CSHL1: variants seen among roughly 807,000 people sequenced by gnomAD.
CSHL1 encodes chorionic somatomammotropin hormone like 1, also known as chorionic somatomammotropin hormone-like 1.
Under a neutral mutation model 24.3 loss-of-function variants are expected in CSHL1, and 25 were observed. That is an observed-to-expected ratio of 1.03 (90% CI 0.75 to 1.44). CSHL1 has a LOEUF of 1.44. CSHL1 is among the 40% of genes most tolerant of loss of function. The probability of loss-of-function intolerance (pLI) is 0.00; values close to 1 mark genes in which losing one functional copy is unlikely to be tolerated. For synonymous variants in CSHL1, 157 were observed against 115.6 expected, an observed-to-expected ratio of 1.36 and a Z score of -2.30; for missense variants, 342 against 279.3, an observed-to-expected ratio of 1.22 and a Z score of -1.60.
In CSHL1 at chr17:63,910,525, GAT is replaced by G. The variant is rs978621996; in HGVS notation, c.199_200del (p.Ile67HisfsTer11). ...FISSWGMEAY[I>X]TKEQKYSFLH... ...GGAATGAATACTTCTGTTCCTTTGT[GAT>G]ATAGGCTTCTTCCTAGGGGAAGGAC... On this transcript the variant is annotated frameshift_variant, in exon 3 of 5. Transcript: ENST00000309894. LOFTEE classifies it high-confidence loss of function. The G allele has an allele frequency of 3.1e-6, 5 of 1,614,078 alleles. No homozygotes were observed. The African/African-American group carries it at 6.7e-5, about 22-fold the overall frequency.
At chr17:63,910,384 C>T (rs1181722337) in intron 3 of CSHL1, 36 bp downstream of exon 3, 1 of 1,614,152 alleles carries the variant, frequency 6.2e-7, no homozygotes, top group South Asian at 1.1e-5. Flanking sequence ...CACAGGTCTC[C>T]CCCATCCCCG....
At chr17:63,910,999 T>C (rs1906965999) in intron 1 of CSHL1, 75 bp from the exon 2 acceptor site, 1 of 1,610,902 alleles carries the variant, frequency 6.2e-7, no homozygotes, top group East Asian at 2.2e-5. Context: ...AGGAGCTGTT[T>C]TCTTTTTCTC....
rs746964348 is a variant in CSHL1, at chr17:63,910,801, C to T, written c.134G>A (p.Arg45His). ...GGTGTCAATGGCCAGCTGGTGTGCG[C>T]GATGGGCTTGGAGCATAGCCTCTTT... Reference protein sequence around the residue: ...LFKEAMLQAHRAHQLAIDTYQ... With the variant: ...LFKEAMLQAHHAHQLAIDTYQ... Residue 45 changes from arginine (R) to histidine (H), a missense_variant, in exon 2 of 5, where the codon CGC (arginine) becomes CAC (histidine). Physicochemically the swap from Arg to His is conservative, Grantham distance 29. Coordinates refer to ENST00000309894, the MANE Select transcript of CSHL1 (RefSeq NM_022579.3). 3.5e-5 allele frequency: 56 copies of T among 1,614,216 alleles called. No homozygotes were observed. In the South Asian group the frequency reaches 4.0e-4, roughly 11 times the overall value.
rs919060328 is a variant in CSHL1, at chr17:63,909,658, C to T, written c.*53G>A. The T allele has an allele frequency of 2.4e-5, 38 of 1,613,534 alleles. No homozygotes were observed. In the African/African-American group the frequency reaches 4.3e-4, roughly 18 times the overall value. The stretch of plus-strand genomic sequence containing the variant: ...AGGCTGGTGGGCACTGGAGTGGCAC[C>T]TTCAGGGCCAGGAGAGGCACTGGGG... On this transcript the variant is annotated 3_prime_UTR_variant, in exon 5 of 5. Transcript: ENST00000309894.
intron 1 of CSHL1, 111 bp downstream of exon 1, chr17:63,911,076 T>A: frequency 6.2e-7 from 1 of 1,611,502 alleles, no homozygotes; most frequent in South Asian, 1.1e-5. Flanking sequence ...TAGATGGCGA[T>A]ATTCACATTC....
chr17:63,910,291 G>A lies in CSHL1; in HGVS notation c.342C>T (p.Ile114=), dbSNP rs143481926. The change falls in exon 4 of 5, where the codon ATC becomes ATT. Residue 114 remains isoleucine, a synonymous_variant. Transcript: ENST00000309894. ...LELLHISLLL[I]ESRLEPVRFL... is the part of the protein sequence containing the mutation. ...ACCGCACGGGCTCCAGCCGCGACTC[G>A]ATGAGCAGCAGGGAGATGTGGAGCA... 102 of 1,614,080 alleles carry A rather than the reference G, an allele frequency of 6.3e-5. No individual in the cohort carries two copies. The African/African-American group carries it at 1.3e-3, about 20-fold the overall frequency.
In CSHL1 at chr17:63,909,714, G is replaced by A. The variant is rs1002187387; in HGVS notation, c.666C>T (p.Phe222=). ...QCRSVEGSCG[F] ...TCACAGGATGCCACGCGGGCCCCTA[G>A]AAGCCACAGCTGCCCTCCACAGAGC... Residue 222 remains phenylalanine, a synonymous_variant, in exon 5 of 5, where the codon TTC becomes TTT. Transcript: ENST00000309894. 18 of 1,614,028 alleles carry A rather than the reference G, an allele frequency of 1.1e-5. 1 individual carries two copies. The African/African-American group carries it at 2.3e-4, about 20-fold the overall frequency.
rs760802901 is a variant in CSHL1, at chr17:63,910,905, G to A, written c.30C>T (p.Leu10=). Residue 10 remains leucine (L), a synonymous_variant, in exon 2 of 5, where the codon CTC becomes CTT. Transcript: ENST00000309894. MAAGSRTSL[L]LAFALLCLPW... ...GCAGGCAGAGCAGGGCAAAAGCCAG[G>A]AGCAGGGACGTCCGGGAGCCTGGGG... 9 of 1,613,914 alleles carry A rather than the reference G, an allele frequency of 5.6e-6. No homozygotes were observed. Among genetic ancestry groups the A allele is most frequent in the African/African-American group, 1.3e-5 (1 of 74,850 alleles).
At chr17:63,909,989 T>C in intron 4 of CSHL1, 81 bp from the exon 5 acceptor site, 2 of 1,613,840 alleles carry the variant, frequency 1.2e-6, no homozygotes, top group Admixed American at 1.7e-5. Context: ...TTTTCCTCCT[T>C]CCCCTTCAGG....
chr17:63,910,812 G>C lies in CSHL1; in HGVS notation c.123C>G (p.Leu41=). ...PLSRLFKEAM[L]QAHRAHQLAI... is the part of the protein sequence containing the mutation. ...CCAGCTGGTGTGCGCGATGGGCTTG[G>C]AGCATAGCCTCTTTAAAAAGCCTGG... is the stretch of plus-strand genomic sequence containing the variant. Residue 41 remains leucine (L), a synonymous_variant, in exon 2 of 5, where the codon CTC becomes CTG. Transcript: ENST00000309894. 1.9e-6 allele frequency: 3 copies of C among 1,614,180 alleles called. No homozygotes were observed. Among genetic ancestry groups the C allele is most frequent in the Non-Finnish European group, 2.5e-6 (3 of 1,180,048 alleles).
At chr17:63,910,988 C>T (rs1906965274) in intron 1 of CSHL1, 64 bp from the exon 2 acceptor site, 15 of 1,611,724 alleles carry the variant, frequency 9.3e-6, no homozygotes, top group Non-Finnish European at 1.0e-5. Context: ...CTCCCTGTTC[C>T]AGGAGCTGTT....
At chr17:63,910,052 T>A in intron 4 of CSHL1, 110 bp downstream of exon 4, 2 of 1,613,964 alleles carry the variant, frequency 1.2e-6, no homozygotes, top group South Asian at 1.1e-5. Context: ...ATAAGGTGAG[T>A]TCTCTTGGGT....
In CSHL1 at chr17:63,910,847, C is replaced by T. The variant is rs751501369; in HGVS notation, c.88G>A (p.Val30Ile). 22 of 1,614,018 alleles carry T rather than the reference C, an allele frequency of 1.4e-5. No individual in the cohort carries two copies. Among genetic ancestry groups the T allele is most frequent in the South Asian group, 4.4e-5 (4 of 91,076 alleles). ...TCTTTAAAAAGCCTGGATAAGGGAA[C>T]GGTTTGGACGGCACCAGCCTCTTGA... ...WLQEAGAVQT[V>I]PLSRLFKEAM... Residue 30 changes from valine (V) to isoleucine (I), a missense_variant, in exon 2 of 5, where the codon GTT becomes ATT. Val to Ile is a conservative substitution (Grantham distance 29). Transcript: ENST00000309894.
At chr17:63,910,395 C>T (rs1051719637) in intron 3 of CSHL1, 25 bp downstream of exon 3, 46 of 1,614,076 alleles carry the variant, frequency 2.8e-5, no homozygotes, top group African/African-American at 5.3e-5. Flanking sequence ...CCCATCCCCG[C>T]CTAGGGGAGA....
At chr17:63,910,102 TC>T (rs776909855) in intron 4 of CSHL1, 59 bp downstream of exon 4, 7 of 1,614,072 alleles carry the variant, frequency 4.3e-6, no homozygotes, top group Non-Finnish European at 1.7e-6. Flanking sequence ...AGTGTTTCTC[TC>T]CCCCAGCCCT....
At position 63,910,802 on chromosome 17, in the gene CSHL1, G is replaced by C. The variant is rs141576938; in HGVS notation, c.133C>G (p.Arg45Gly). The C allele has an allele frequency of 5.6e-4, 909 of 1,614,216 alleles. 3 individuals are homozygous for C. Among genetic ancestry groups the C allele is most frequent in the Middle Eastern group, 2.5e-3 (15 of 6,062 alleles). Residue 45 changes from arginine to glycine, a missense_variant, in exon 2 of 5, where the codon CGC (arginine) becomes GGC (glycine). By Grantham distance (125) the Arg-to-Gly change is moderately radical (BLOSUM62 -2). Coordinates refer to ENST00000309894, the MANE Select transcript of CSHL1 (RefSeq NM_022579.3). Reference sequence around the variant, plus strand: ...GTGTCAATGGCCAGCTGGTGTGCGCGATGGGCTTGGAGCATAGCCTCTTTA... The same window carrying C: ...GTGTCAATGGCCAGCTGGTGTGCGCCATGGGCTTGGAGCATAGCCTCTTTA... The part of the protein sequence containing the change: ...LFKEAMLQAH[R>G]AHQLAIDTYQ...
At position 63,910,142 on chromosome 17, in the gene CSHL1, A is replaced by G. The variant is rs1371618425; in HGVS notation, c.471+20T>C. On this transcript the variant is annotated intron_variant, in intron 4 of 4. Transcript: ENST00000309894. ...AGCCAGTGGGCTTCCAGGATTGGGG[A>G]CCCCTGGTGCCACCCTCACCCCCAT... The G allele has an allele frequency of 1.6e-5, 26 of 1,613,832 alleles. No homozygotes were observed. The highest frequency in any genetic ancestry group is 4.0e-5 in the African/African-American group (3 of 74,830).
At position 63,910,223 on chromosome 17, in the gene CSHL1, G is replaced by A. The variant is rs2144716963; in HGVS notation, c.410C>T (p.Ser137Leu). 3 of 1,614,030 alleles carry A rather than the reference G, an allele frequency of 1.9e-6. No individual in the cohort carries two copies. Among genetic ancestry groups the A allele is most frequent in the South Asian group, 1.1e-5 (1 of 91,074 alleles). The stretch of plus-strand genomic sequence containing the variant: ...TAGGAGGTGATAGTCATCGCTGTCC[G>A]AGGTGTCATACACCAGGTTGTTGGT... ...TFTNNLVYDT[S>L]DSDDYHLLKD... Residue 137 changes from serine to leucine, a missense_variant, in exon 4 of 5, where the codon TCG becomes TTG. Coordinates refer to ENST00000309894, the MANE Select transcript of CSHL1 (RefSeq NM_022579.3).
In CSHL1 at chr17:63,909,993, C is replaced by T. The variant is rs575747216; in HGVS notation, c.472-85G>A. Reference sequence around the variant, plus strand: ...TCATTTATCCATTTTCCTCCTTCCCCTTCAGGGTGTAGAGAAAGGCCTGGA... The same window carrying T: ...TCATTTATCCATTTTCCTCCTTCCCTTTCAGGGTGTAGAGAAAGGCCTGGA... On this transcript the variant is annotated intron_variant, in intron 4 of 4. Coordinates refer to ENST00000309894, the MANE Select transcript of CSHL1 (RefSeq NM_022579.3). 2.2e-5 allele frequency: 35 copies of T among 1,613,986 alleles called. No homozygotes were observed. In the East Asian group the frequency reaches 6.0e-4, roughly 28 times the overall value.
Sources: gnomAD v4.1 joint callset for allele counts on GRCh38, gnomAD v4.1.1 for gene constraint, MANE v1.5 for transcripts, NCBI Gene and HGNC (gene_info 2026-07-23, HGNC 2026-07-21) for gene names.